GATA6: variants seen among roughly 807,000 people sequenced by gnomAD.
GATA6 encodes GATA binding protein 6.
In GATA6, 11 loss-of-function variants were observed where a neutral mutation model predicts 48.1. The observed-to-expected ratio is 0.23, with a 90% confidence interval of 0.14 to 0.38. The LOEUF is 0.38. Among genes scored for constraint, GATA6 ranks in the 10% least tolerant of loss-of-function variants. GATA6 has a pLI of 1.00. For synonymous variants in GATA6, 419 were observed against 396.1 expected (o/e 1.06, Z -0.69); for missense variants, 795 against 850.3 (o/e 0.93, Z 0.81).
chr18:22,177,168 C>T, intron 3 of GATA6, 47 bp downstream of exon 3: 1 of 1,508,930 alleles, frequency 6.6e-7, no homozygotes, highest in South Asian at 1.2e-5. Context: ...GCCCCGGGCT[C>T]TCCTGGCCCG....
In GATA6 at chr18:22,178,224, C is replaced by G. The variant is rs570042657; in HGVS notation, c.1302+1103C>G. Reference sequence around the variant, plus strand: ...TGTGATCCCGCCCGCCTCGGCCTCCCGAAGTGCTAGGATTACAGGCGTGAG... The same window carrying G: ...TGTGATCCCGCCCGCCTCGGCCTCCGGAAGTGCTAGGATTACAGGCGTGAG... On this transcript the variant is annotated intron_variant, in intron 3 of 6. Coordinates refer to ENST00000269216, the MANE Select transcript of GATA6 (RefSeq NM_005257.6). 2.0e-4 allele frequency among the ~76,000 whole-genome samples: 30 copies of G among 152,208 alleles called. No homozygotes were observed. The South Asian group carries it at 5.6e-3, about 28-fold the overall frequency.
Position 22,172,216 on chromosome 18 carries a change from G to A in GATA6, c.1072G>A (p.Val358Met), listed in dbSNP as rs1299145122. ...AWPAGPFETP[V>M]LHSLQSRAGA... Reference sequence around the variant, plus strand: ...GCCCGCCGGACCCTTCGAGACCCCGGTGCTGCACAGCCTGCAGAGCCGCGC... The same window carrying A: ...GCCCGCCGGACCCTTCGAGACCCCGATGCTGCACAGCCTGCAGAGCCGCGC... The change falls in exon 2 of 7, where the codon GTG (valine) becomes ATG (methionine). Residue 358 changes from valine to methionine, a missense_variant. Coordinates refer to ENST00000269216, the MANE Select transcript of GATA6 (RefSeq NM_005257.6). The surrounding 1 kb of genome is among the most constrained non-coding windows in gnomAD (Gnocchi z 5.2). 2.0e-6 allele frequency: 3 copies of A among 1,534,450 alleles called. No individual in the cohort carries two copies. Among genetic ancestry groups the A allele is most frequent in the South Asian group, 2.4e-5 (2 of 83,976 alleles).
intron 2 of GATA6, among the ~76,000 whole-genome samples, chr18:22,175,036 A>G (rs1432825253): frequency 2.0e-5 from 3 of 152,080 alleles, no homozygotes; most frequent in Non-Finnish European, 4.4e-5. Context: ...ATCACTCCCC[A>G]AGGGCACCGC....
Position 22,172,033 on chromosome 18 carries a change from G to C in GATA6, c.889G>C (p.Gly297Arg). 1 of 1,250,616 alleles carries C rather than the reference G, an allele frequency of 8.0e-7. No individual in the cohort carries two copies. The allele number at this position is 1,250,616 out of a possible 1,614,324, so 77.5% of individuals were successfully genotyped here. ...GGGCGCGGGAGGCGTGAGCGGCGGC[G>C]GCAGTAGCCTGGCGGCCATGGGCGG... Reference protein sequence around the residue: ...SGGAGGVSGGGSSLAAMGGRE... With the variant: ...SGGAGGVSGGRSSLAAMGGRE... The change falls in exon 2 of 7, where the codon GGC (glycine) becomes CGC (arginine). Residue 297 changes from glycine (G) to arginine (R), a missense_variant. Coordinates refer to ENST00000269216, the MANE Select transcript of GATA6 (RefSeq NM_005257.6). This position sits in a 1 kb window ranked among gnomAD's most constrained non-coding sequence, Gnocchi z 5.2.
At position 22,201,435 on chromosome 18, in the gene GATA6, CAA is replaced by C. The variant is rs1391610075; in HGVS notation, c.*613_*614del. ...CGGAATTTGTAAACAGGGTAGCAAACAAGATATTTTTCTTCCATGTATACAAT... is the reference window on the plus strand; with the variant it reads ...CGGAATTTGTAAACAGGGTAGCAAACGATATTTTTCTTCCATGTATACAAT... On this transcript the variant is annotated 3_prime_UTR_variant, in exon 7 of 7. Coordinates refer to ENST00000269216, the MANE Select transcript of GATA6 (RefSeq NM_005257.6). The C allele has an allele frequency of 6.5e-6, 1 of 153,230 alleles. No homozygotes were observed. The highest frequency in any genetic ancestry group is 1.5e-5 in the Non-Finnish European group (1 of 68,484). 9.5% of individuals were successfully genotyped at this position (153,230 alleles called of 1,614,324 possible).
chr18:22,187,685 A>G (rs552311251), intron 6 of GATA6, among the ~76,000 whole-genome samples: 1 of 152,010 alleles, frequency 6.6e-6, no homozygotes, highest in East Asian at 1.9e-4. Context: ...TACTCCTCCT[A>G]TTTCTCCTCC....
At chr18:22,183,115 T>C in intron 6 of GATA6, 72 bp downstream of exon 6, 1 of 1,143,538 alleles carries the variant, frequency 8.7e-7, no homozygotes, top group East Asian at 2.5e-5. Flanking sequence ...AATTTTATCT[T>C]ATCTGGTAGT....
At chr18:22,192,372 C>T (rs145181797) in intron 6 of GATA6, among the ~76,000 whole-genome samples, 69 of 152,186 alleles carry the variant, frequency 4.5e-4, no homozygotes, top group African/African-American at 1.4e-3. Context: ...GCTTTATTTG[C>T]GTGGCATTTT....
chr18:22,180,125 G>T (rs2033174616), intron 3 of GATA6: 1 of 151,774 alleles, frequency 6.6e-6, no homozygotes, highest in Admixed American at 6.6e-5. Context: ...ACTATGGAAG[G>T]CTTCACGAAT....
chr18:22,182,642 G>A (rs775134886), intron 4 of GATA6, 115 bp from the exon 5 acceptor site: 70 of 743,704 alleles, frequency 9.4e-5, no homozygotes, highest in Non-Finnish European at 1.5e-4. Flanking sequence ...AGAGGCGTGA[G>A]CCACTGCACT....
At chr18:22,181,179 T>G (rs1686917025) in intron 3 of GATA6, among the ~76,000 whole-genome samples, 1 of 152,192 alleles carries the variant, frequency 6.6e-6, no homozygotes, top group Non-Finnish European at 1.5e-5. Context: ...GCCAACTATA[T>G]GACTGCTCCC....
At chr18:22,175,047 A>T (rs2033103224) in intron 2 of GATA6, among the ~76,000 whole-genome samples, 1 of 152,158 alleles carries the variant, frequency 6.6e-6, no homozygotes, top group Non-Finnish European at 1.5e-5. Context: ...AGGGCACCGC[A>T]AACAGCCATG....
At chr18:22,175,720 G>A (rs796713305) in intron 2 of GATA6, 3 of 152,226 alleles carry the variant, frequency 2.0e-5, no homozygotes, top group South Asian at 4.2e-4. Flanking sequence ...TTTAAATATC[G>A]TTACCACACA....
chr18:22,195,812 G>A (rs1446625718), intron 6 of GATA6, among the ~76,000 whole-genome samples: 2 of 152,096 alleles, frequency 1.3e-5, no homozygotes, highest in Admixed American at 6.6e-5. Context: ...TTCATTGAGC[G>A]GATGTGCCCT....
intron 2 of GATA6, among the ~76,000 whole-genome samples, chr18:22,174,414 A>G (rs965541818): frequency 6.6e-6 from 1 of 152,136 alleles, no homozygotes; most frequent in African/African-American, 2.4e-5. Context: ...GGGCAAGTTA[A>G]TATGTTTCTT....
chr18:22,200,513 A>C (rs1227529855), intron 6 of GATA6, 143 bp from the exon 7 acceptor site: 3 of 1,044,206 alleles, frequency 2.9e-6, no homozygotes, highest in Non-Finnish European at 4.5e-6. Context: ...CGCCGGCTTC[A>C]TTTCTCCTGC....
intron 6 of GATA6, among the ~76,000 whole-genome samples, chr18:22,192,248 C>T (rs1365117342): frequency 6.6e-6 from 1 of 152,170 alleles, no homozygotes; most frequent in Non-Finnish European, 1.5e-5. Flanking sequence ...TAATTCCTAC[C>T]ATCTGGTCCT....
intron 3 of GATA6, among the ~76,000 whole-genome samples, chr18:22,178,989 G>A (rs1326404084): frequency 6.6e-6 from 1 of 152,112 alleles, no homozygotes; most frequent in East Asian, 1.9e-4. Context: ...GGTTCCAGTT[G>A]CATTATAAAT....
rs1333538423 is a variant in GATA6, at chr18:22,200,799, C to T, written c.1764C>T (p.Ser588=). 3 of 1,612,256 alleles carry T rather than the reference C, an allele frequency of 1.9e-6. No individual in the cohort carries two copies. The highest frequency in any genetic ancestry group is 2.5e-6 in the Non-Finnish European group (3 of 1,179,840). ...AEVTSSVRPD[S]WCALALA ...TCACGTCCTCCGTGCGACCGGATTC[C>T]TGGTGCGCCCTGGCCCTGGCCTGAG... is the stretch of plus-strand genomic sequence containing the variant. The change falls in exon 7 of 7, where the codon TCC becomes TCT. Residue 588 remains serine, a synonymous_variant. Coordinates refer to ENST00000269216, the MANE Select transcript of GATA6 (RefSeq NM_005257.6).
Sources: allele counts gnomAD v4.1 joint callset (sites outside exome capture counted in the v4.1 genomes callset), GRCh38; gene constraint gnomAD v4.1.1; non-coding constraint Gnocchi (gnomAD v3.1); transcripts MANE v1.5; gene names NCBI Gene and HGNC (gene_info 2026-07-23, HGNC 2026-07-21).